The following WDPCP variants were observed in gnomAD, a reference collection of about 807,000 sequenced individuals.
WDPCP encodes the protein WD repeat containing planar cell polarity effector, also known as WD repeat-containing and planar cell polarity effector protein fritz homolog.
WDPCP carries 71 observed loss-of-function variants against 93.1 expected under a neutral mutation model. The ratio of observed to expected loss-of-function variants is 0.76; its 90% CI spans 0.63 to 0.93. WDPCP has a LOEUF of 0.93. Ranked by LOEUF, WDPCP falls within the 40% of genes least tolerant of loss-of-function variation. The pLI is 0.00. For missense variants in WDPCP, 844 were observed against 887.4 expected (o/e 0.95, Z 0.62); for synonymous variants, 315 against 315.0 (o/e 1.00, Z 0.00).
At chr2:63,399,106 C>T (rs1693959037) in intron 10 of WDPCP, among the ~76,000 whole-genome samples, 1 of 152,142 alleles carries the variant, frequency 6.6e-6, no homozygotes, top group East Asian at 1.9e-4. Context: ...GGAAATTCCA[C>T]ATTTAGATCT....
At chr2:63,457,605 C>G (rs1009838229) in intron 6 of WDPCP, among the ~76,000 whole-genome samples, 1 of 152,158 alleles carries the variant, frequency 6.6e-6, no homozygotes, top group African/African-American at 2.4e-5. Flanking sequence ...GATAATATAT[C>G]ATGATCAAGA....
chr2:63,169,036 T>C (rs540587692), intron 15 of WDPCP, among the ~76,000 whole-genome samples: 1 of 152,338 alleles, frequency 6.6e-6, no homozygotes, highest in African/African-American at 2.4e-5. Context: ...ATCAGTGAGC[T>C]TATTCTATCT....
At chr2:63,587,702 G>C (rs1032976590) in intron 1 of WDPCP, among the ~76,000 whole-genome samples, 1 of 152,238 alleles carries the variant, frequency 6.6e-6, no homozygotes, top group Non-Finnish European at 1.5e-5. Context: ...TAATTTTAAA[G>C]AGAACCTCTT....
chr2:63,160,085 G>A (rs893555509), intron 15 of WDPCP, among the ~76,000 whole-genome samples: 2 of 151,970 alleles, frequency 1.3e-5, no homozygotes, highest in Non-Finnish European at 2.9e-5. Flanking sequence ...TCTTGTCTTC[G>A]TCCTTATTTC....
At chr2:63,709,446 A>G (rs1669227278) in intron 2 of WDPCP, among the ~76,000 whole-genome samples, 1 of 152,178 alleles carries the variant, frequency 6.6e-6, no homozygotes, top group Non-Finnish European at 1.5e-5. Flanking sequence ...CACATTTCAT[A>G]TCTAGTCATG....
chr2:63,822,093 T>A (rs1218856619), intron 1 of WDPCP, among the ~76,000 whole-genome samples: 1 of 152,152 alleles, frequency 6.6e-6, no homozygotes, highest in African/African-American at 2.4e-5. Flanking sequence ...GGGAATAATA[T>A]TAATAGTTAC....
intron 12 of WDPCP, among the ~76,000 whole-genome samples, chr2:63,327,767 C>T (rs902706979): frequency 2.0e-5 from 3 of 152,162 alleles, no homozygotes; most frequent in African/African-American, 7.2e-5. Flanking sequence ...TACTTGCCTT[C>T]GGGGCCCTGT....
intron 3 of WDPCP, among the ~76,000 whole-genome samples, chr2:63,613,260 G>C (rs1051528784): frequency 6.6e-6 from 1 of 152,170 alleles, no homozygotes; most frequent in South Asian, 2.1e-4. Context: ...CCTAAAATGA[G>C]GTTTCTGAGG....
chr2:63,252,096 GC>G (rs1680774934), intron 14 of WDPCP, among the ~76,000 whole-genome samples: 1 of 152,148 alleles, frequency 6.6e-6, no homozygotes, highest in Admixed American at 6.5e-5. Flanking sequence ...CCATGATCAA[GC>G]AGGCTTTACT....
At chr2:63,590,499 A>T (rs912608822), upstream of WDPCP, 1 of 152,248 alleles carries the variant, frequency 6.6e-6, no homozygotes, top group Admixed American at 6.5e-5. Flanking sequence ...TGAAGTTACC[A>T]GTTCATACTG....
At chr2:63,215,594 A>G (rs1163089404) in intron 14 of WDPCP, among the ~76,000 whole-genome samples, 1 of 152,230 alleles carries the variant, frequency 6.6e-6, no homozygotes, top group Non-Finnish European at 1.5e-5. Context: ...TTAGACCTAA[A>G]ACCATAAAAA....
chr2:63,291,817 AAAAAG>A (rs748932507), intron 13 of WDPCP, among the ~76,000 whole-genome samples: 2 of 151,166 alleles, frequency 1.3e-5, no homozygotes, highest in African/African-American at 2.4e-5. Context: ...ACAAAAAAAA[AAAAAG>A]AAAAGAAAAG....
intron 3 of WDPCP, among the ~76,000 whole-genome samples, chr2:63,603,022 C>T (rs1290482141): frequency 4.5e-5 from 6 of 132,024 alleles, no homozygotes; most frequent in African/African-American, 8.6e-5. Context: ...TGCAATGGCA[C>T]GATCTCGGCT....
intron 14 of WDPCP, chr2:63,233,009 C>T (rs1303088515): frequency 6.3e-6 from 1 of 159,168 alleles, no homozygotes; most frequent in Non-Finnish European, 1.4e-5. Flanking sequence ...GGAAACTCAT[C>T]TGAGCAGCCC....
chr2:63,209,405 G>T (rs1438126114), intron 14 of WDPCP, among the ~76,000 whole-genome samples: 1 of 152,174 alleles, frequency 6.6e-6, no homozygotes. Flanking sequence ...GAGACCTATA[G>T]TTGCTACTGC....
intron 3 of WDPCP, among the ~76,000 whole-genome samples, chr2:63,623,234 T>C (rs186686299): frequency 6.6e-6 from 1 of 152,134 alleles, no homozygotes; most frequent in African/African-American, 2.4e-5. Flanking sequence ...TGCAAAAACA[T>C]ACCAAATTGT....
intron 2 of WDPCP, among the ~76,000 whole-genome samples, chr2:63,680,707 G>A (rs1710479885): frequency 1.3e-5 from 2 of 152,158 alleles, no homozygotes; most frequent in Middle Eastern, 3.2e-3. Flanking sequence ...GACACCAGCT[G>A]GGGTGGCTAA....
intron 13 of WDPCP, among the ~76,000 whole-genome samples, chr2:63,276,468 T>TA (rs1683096774): frequency 6.6e-6 from 1 of 151,808 alleles, no homozygotes; most frequent in Admixed American, 6.6e-5. Flanking sequence ...CTTAAAGAAA[T>TA]AAAAAACATG....
At chr2:63,532,308 C>T (rs139331737) in intron 1 of WDPCP, among the ~76,000 whole-genome samples, 1 of 152,298 alleles carries the variant, frequency 6.6e-6, no homozygotes, top group African/African-American at 2.4e-5. Context: ...TCCAGGAGAA[C>T]TTCCCCAACC....
Sources: gnomAD v4.1 joint callset for allele counts (sites outside exome capture counted in the v4.1 genomes callset) on GRCh38, gnomAD v4.1.1 for gene constraint, MANE v1.5 for transcripts, NCBI Gene and HGNC (gene_info 2026-07-23, HGNC 2026-07-21) for gene names.